The following ZBTB4 variants were observed in gnomAD, a reference collection of about 807,000 sequenced individuals.
ZBTB4 encodes zinc finger and BTB domain-containing protein 4.
ZBTB4 carries 14 observed loss-of-function variants against 59.8 expected under a neutral mutation model. The observed-to-expected ratio is 0.23, with a 90% CI of 0.15 to 0.37. ZBTB4 has a LOEUF of 0.37. Ranked by LOEUF, ZBTB4 falls within the 10% of genes least tolerant of loss-of-function variation. ZBTB4 has a pLI of 1.00. For synonymous variants in ZBTB4, 587 were observed against 575.2 expected (o/e 1.02, Z -0.29); for missense variants, 1,198 against 1,380.8 (o/e 0.87, Z 2.10).
chr17:7,465,544 C>T (rs2070107700), intron 3 of ZBTB4, among the ~76,000 whole-genome samples, 167 bp downstream of exon 3: 1 of 152,052 alleles, frequency 6.6e-6, no homozygotes, highest in Non-Finnish European at 1.5e-5. Context: ...AGACTCCTGG[C>T]CACAAGCGAT....
chr17:7,473,910 GGTTTT>G (rs1338372496), intron 1 of ZBTB4, among the ~76,000 whole-genome samples: 1 of 151,834 alleles, frequency 6.6e-6, no homozygotes, highest in South Asian at 2.1e-4. Context: ...GAATGTTTTT[GGTTTT>G]GTTTTGTTTT....
intron 3 of ZBTB4, among the ~76,000 whole-genome samples, chr17:7,464,902 A>G (rs1256638374): frequency 1.3e-5 from 2 of 149,728 alleles, no homozygotes; most frequent in African/African-American, 4.9e-5. Context: ...CATGCCTGTA[A>G]TCTCAGCACT....
intron 1 of ZBTB4, among the ~76,000 whole-genome samples, chr17:7,472,064 C>T (rs888045877): frequency 1.3e-5 from 2 of 152,132 alleles, no homozygotes; most frequent in Non-Finnish European, 2.9e-5. Flanking sequence ...TGCAGTGAAC[C>T]CCAACTTCCT....
chr17:7,462,714 C>T lies in ZBTB4; in HGVS notation c.2268G>A (p.Arg756=), dbSNP rs1203623527. 1 of 1,604,324 alleles carries T rather than the reference C, an allele frequency of 6.2e-7. No homozygotes were observed. Among genetic ancestry groups the T allele is most frequent in the Non-Finnish European group, 8.5e-7 (1 of 1,179,752 alleles). ...EAHGGGSHSS[R]AGRRPSTRFT... ...AGCGGGTGGAGGGCCTCCGTCCGGC[C>T]CGGGAGCTGTGGGAGCCCCCACCGT... Residue 756 remains arginine (R), a synonymous_variant, in exon 4 of 4, where the codon CGG becomes CGA. Coordinates refer to ENST00000380599, the MANE Select transcript of ZBTB4 (RefSeq NM_001128833.2). The surrounding 1 kb of genome is among the most constrained non-coding windows in gnomAD (Gnocchi z 7.5).
chr17:7,481,637 G>C (rs998145009), upstream of ZBTB4: 2 of 745,898 alleles, frequency 2.7e-6, no homozygotes, highest in Non-Finnish European at 4.2e-6. Context: ...ATTCATAATG[G>C]TGTACCCAGA....
intron 1 of ZBTB4, among the ~76,000 whole-genome samples, chr17:7,472,323 T>G (rs1276788054): frequency 6.6e-6 from 1 of 152,050 alleles, no homozygotes; most frequent in Non-Finnish European, 1.5e-5. Context: ...CCCGAGTAGC[T>G]GGGATTACAG....
In ZBTB4 at chr17:7,463,487, T is replaced by G. The variant is rs1211584770; in HGVS notation, c.1495A>C (p.Thr499Pro). The G allele has an allele frequency of 6.5e-7, 1 of 1,544,552 alleles. No individual in the cohort carries two copies. The highest frequency in any genetic ancestry group is 1.4e-5 in the African/African-American group (1 of 73,146). ...ACCGAGGCAGCTTGGGACCCTCCTG[T>G]GCTGGCCGTCCCACTCCCCCCTCCA... ...SGGGGSGTAS[T>P]GGSQAASVIT... Residue 499 changes from threonine (T) to proline (P), a missense_variant, in exon 4 of 4, where the codon ACA becomes CCA. Around this residue, in one of 9 missense-constraint regions of ZBTB4, gnomAD observed 550 missense variants for 541.8 expected, o/e 1.02. Coordinates refer to ENST00000380599, the MANE Select transcript of ZBTB4 (RefSeq NM_001128833.2).
upstream of ZBTB4, chr17:7,482,928 T>G (rs777237673): frequency 6.2e-7 from 1 of 1,611,744 alleles, no homozygotes; most frequent in Non-Finnish European, 8.5e-7. Context: ...GGGGCAGGGG[T>G]TGTGCTGGGC....
Position 7,466,655 on chromosome 17 carries a change from A to T in ZBTB4, c.147T>A (p.Ala49=). The T allele has an allele frequency of 6.2e-7, 1 of 1,613,704 alleles. No homozygotes were observed. The highest frequency in any genetic ancestry group is 8.5e-7 in the Non-Finnish European group (1 of 1,179,936). Residue 49 remains alanine (A), a synonymous_variant, in exon 3 of 4, where the codon GCT becomes GCA. Coordinates refer to ENST00000380599, the MANE Select transcript of ZBTB4 (RefSeq NM_001128833.2). The surrounding 1 kb of genome is among the most constrained non-coding windows in gnomAD (Gnocchi z 9.1). ...CCTCTCTGAAGAAGGGACTTGAAGC[A>T]GCCAGGACGCTGCGGTGAGCAGGGA... The part of the protein sequence containing the change: ...TKFPAHRSVL[A]ASSPFFREAL...
At chr17:7,469,616 T>A (rs1334504268) in intron 1 of ZBTB4, among the ~76,000 whole-genome samples, 3 of 146,044 alleles carry the variant, frequency 2.1e-5, no homozygotes. Context: ...AAAAAAAAAA[T>A]TAGCCAGGCA....
intron 1 of ZBTB4, among the ~76,000 whole-genome samples, chr17:7,467,967 G>A (rs2070149938): frequency 6.6e-6 from 1 of 152,196 alleles, no homozygotes; most frequent in African/African-American, 2.4e-5. Context: ...CACAAGACCA[G>A]GAGGCCTGGT....
chr17:7,465,821 G>A lies in ZBTB4; in HGVS notation c.981C>T (p.His327=), dbSNP rs2070111742. Residue 327 remains histidine (H), a synonymous_variant, in exon 3 of 4, where the codon CAC becomes CAT. Transcript: ENST00000380599. ...TCCTCCGCCACGAGTGTACATTGCT[G>A]TGTCTCTTCAGACTGGACAGGGTCA... The part of the protein sequence containing the change: ...SYVTLSSLKR[H]SNVHSWRRKY... The A allele has an allele frequency of 6.2e-7, 1 of 1,614,116 alleles. No homozygotes were observed. The highest frequency in any genetic ancestry group is 2.2e-5 in the East Asian group (1 of 44,892).
chr17:7,469,051 G>A (rs565006962), intron 1 of ZBTB4, among the ~76,000 whole-genome samples: 5 of 152,206 alleles, frequency 3.3e-5, no homozygotes, highest in East Asian at 3.9e-4. Flanking sequence ...CCTCCTACTC[G>A]CCTCCATGAG....
chr17:7,469,961 A>G (rs953190695), intron 1 of ZBTB4, among the ~76,000 whole-genome samples: 1 of 152,046 alleles, frequency 6.6e-6, no homozygotes, highest in Non-Finnish European at 1.5e-5. Context: ...AGGCACCTGT[A>G]GTCCCAGCTA....
rs2070050156 is a variant in ZBTB4, at chr17:7,462,945, A to G, written c.2037T>C (p.Ala679=). 6.2e-7 allele frequency: 1 copy of G among 1,608,592 alleles called. No homozygotes were observed. The highest frequency in any genetic ancestry group is 1.3e-5 in the African/African-American group (1 of 74,940). Residue 679 remains alanine, a synonymous_variant, in exon 4 of 4, where the codon GCT becomes GCC. Coordinates refer to ENST00000380599, the MANE Select transcript of ZBTB4 (RefSeq NM_001128833.2). This position sits in a 1 kb window ranked among gnomAD's most constrained non-coding sequence, Gnocchi z 7.5. ...CACTGCCCCCCACACTGGCACCTCC[A>G]GCAGCTCCAGCCTTGCGCTTAGGCT... ...SYKPKRKAGA[A]GGASVGGSGL... is the part of the protein sequence containing the mutation.
Position 7,466,879 on chromosome 17 carries a change from A to C in ZBTB4, c.-9-69T>G, listed in dbSNP as rs1225786213. On this transcript the variant is annotated intron_variant, in intron 2 of 3. Coordinates refer to ENST00000380599, the MANE Select transcript of ZBTB4 (RefSeq NM_001128833.2). The surrounding 1 kb of genome is among the most constrained non-coding windows in gnomAD (Gnocchi z 9.1). Reference sequence around the variant, plus strand: ...GCAGAGGGCAGGGGCTTCTAAAATCAGGCAGAGAGAGGATCAGGAGCTGCT... The same window carrying C: ...GCAGAGGGCAGGGGCTTCTAAAATCCGGCAGAGAGAGGATCAGGAGCTGCT... 2 of 1,440,954 alleles carry C rather than the reference A, an allele frequency of 1.4e-6. No homozygotes were observed. The highest frequency in any genetic ancestry group is 2.5e-5 in the East Asian group (1 of 40,126). 89.3% of individuals were successfully genotyped at this position (1,440,954 alleles called of 1,614,324 possible). A position where few individuals can be genotyped will look rare whatever the true frequency, so the allele number is the denominator to read the frequency against.
Position 7,462,702 on chromosome 17 carries a change from C to A in ZBTB4, c.2280G>T (p.Arg760Ser). The change falls in exon 4 of 4, where the codon AGG becomes AGT. Residue 760 changes from arginine (R) to serine (S), a missense_variant. Coordinates refer to ENST00000380599, the MANE Select transcript of ZBTB4 (RefSeq NM_001128833.2). The surrounding 1 kb of genome is among the most constrained non-coding windows in gnomAD (Gnocchi z 7.5). Reference sequence around the variant, plus strand: ...GGGGGCAGGTAAAGCGGGTGGAGGGCCTCCGTCCGGCCCGGGAGCTGTGGG... The same window carrying A: ...GGGGGCAGGTAAAGCGGGTGGAGGGACTCCGTCCGGCCCGGGAGCTGTGGG... ...GGSHSSRAGR[R>S]PSTRFTCPHC... 6.2e-7 allele frequency: 1 copy of A among 1,604,854 alleles called. No individual in the cohort carries two copies. The highest frequency in any genetic ancestry group is 8.5e-7 in the Non-Finnish European group (1 of 1,179,618).
intron 3 of ZBTB4, among the ~76,000 whole-genome samples, chr17:7,464,468 C>T (rs1013852729): frequency 8.5e-5 from 12 of 141,692 alleles, no homozygotes; most frequent in Admixed American, 4.3e-4. Flanking sequence ...GCTGAAGGAA[C>T]TGGGGCTGGA....
At chr17:7,477,907 G>A (rs1017623513) in intron 1 of ZBTB4, among the ~76,000 whole-genome samples, 2 of 152,106 alleles carry the variant, frequency 1.3e-5, no homozygotes, top group African/African-American at 4.8e-5. Flanking sequence ...GCAGGCTCAT[G>A]AGGGGCAAAC....
Sources: gnomAD v4.1 joint callset for allele counts (sites outside exome capture counted in the v4.1 genomes callset) on GRCh38, gnomAD v4.1.1 for gene constraint, gnomAD v4.1.1 regional missense constraint, Gnocchi (gnomAD v3.1) non-coding constraint, MANE v1.5 for transcripts, NCBI Gene and HGNC (gene_info 2026-07-23, HGNC 2026-07-21) for gene names.